The following ZNF891 variants were observed in gnomAD, a reference collection of about 807,000 sequenced individuals.
The protein encoded by ZNF891 is hCG1646157.
For synonymous variants in ZNF891, 199 were observed against 209.0 expected (o/e 0.95, Z 0.41); for missense variants, 589 against 632.7 (o/e 0.93, Z 0.74).
Position 133,105,599 on chromosome 12 carries a change from C to G in ZNF891, c.*14685G>C, listed in dbSNP as rs1955563099. ...CCAGTATTTGATCATGGAAAGAATT[C>G]TAAGTCAAGGCCCTGTGTATTCCAG... On this transcript the variant is annotated 3_prime_UTR_variant, in exon 2 of 2. Coordinates refer to ENST00000537226, the MANE Select transcript of ZNF891 (RefSeq NM_001277291.2). 2 of 1,614,078 alleles carry G rather than the reference C, an allele frequency of 1.2e-6. No homozygotes were observed. The highest frequency in any genetic ancestry group is 1.7e-6 in the Non-Finnish European group (2 of 1,180,016).
chr12:133,122,185 C>G, intron 1 of ZNF891, 161 bp from the exon 2 acceptor site: 1 of 1,151,636 alleles, frequency 8.7e-7, no homozygotes, highest in Non-Finnish European at 1.1e-6. Context: ...TGCAATATAA[C>G]GATCCTTACC....
Position 133,121,179 on chromosome 12 carries a change from C to G in ZNF891, c.740G>C (p.Ser247Thr), listed in dbSNP as rs1194472532. 6.5e-7 allele frequency: 1 copy of G among 1,535,474 alleles called. No individual in the cohort carries two copies. Among genetic ancestry groups the G allele is most frequent in the Admixed American group, 2.0e-5 (1 of 50,974 alleles). ...CCATAGAGTTGTATCACATTCATGA[C>G]TTTCATAGAGCTTCTCACTTATAGA... ...KNSISEKLYE[S>T]HECDTTLWHF... The change falls in exon 2 of 2, where the codon AGT becomes ACT. Residue 247 changes from serine (S) to threonine (T), a missense_variant. Physicochemically the swap from Ser to Thr is moderately conservative, Grantham distance 58. Transcript: ENST00000537226.
intron 1 of ZNF891, among the ~76,000 whole-genome samples, chr12:133,126,753 G>A (rs1379167678): frequency 6.7e-6 from 1 of 148,386 alleles, no homozygotes; most frequent in Non-Finnish European, 1.5e-5. Flanking sequence ...AGAGGTGGAG[G>A]CTGCAGTGAG....
chr12:133,107,956 T>C lies in ZNF891; in HGVS notation c.*12328A>G, dbSNP rs1457483694. On this transcript the variant is annotated 3_prime_UTR_variant, in exon 2 of 2. Coordinates refer to ENST00000537226, the MANE Select transcript of ZNF891 (RefSeq NM_001277291.2). ...TAAATATAAGTAATTTTGTAAGAGGTGAAATTTATAAAAGTTTTAGCCCAA... is the reference window on the plus strand; with the variant it reads ...TAAATATAAGTAATTTTGTAAGAGGCGAAATTTATAAAAGTTTTAGCCCAA... 6.6e-6 allele frequency: 1 copy of C among 152,170 alleles called. No homozygotes were observed. The highest frequency in any genetic ancestry group is 1.5e-5 in the Non-Finnish European group (1 of 68,026). 9.4% of individuals were successfully genotyped at this position (152,170 alleles called of 1,614,324 possible). A position where few individuals can be genotyped will look rare whatever the true frequency, so the allele number is the denominator to read the frequency against.
chr12:133,124,225 C>T (rs1433734669), intron 1 of ZNF891, among the ~76,000 whole-genome samples: 3 of 152,054 alleles, frequency 2.0e-5, no homozygotes, highest in African/African-American at 4.8e-5. Context: ...CACTTTAAAT[C>T]GGTGGGGGGA....
chr12:133,111,112 T>C lies in ZNF891; in HGVS notation c.*9172A>G, dbSNP rs1040279520. 1 of 152,126 alleles carries C rather than the reference T, an allele frequency of 6.6e-6. No homozygotes were observed. The highest frequency in any genetic ancestry group is 2.4e-5 in the African/African-American group (1 of 41,426). 9.4% of individuals were successfully genotyped at this position (152,126 alleles called of 1,614,324 possible). A position where few individuals can be genotyped will look rare whatever the true frequency, so the allele number is the denominator to read the frequency against. On this transcript the variant is annotated 3_prime_UTR_variant, in exon 2 of 2. Transcript: ENST00000537226. Reference sequence around the variant, plus strand: ...ATTTGGAAGAAAGAGTCTGAGTCCTTAGCAACTCATTCAAAAAGTCTGCCT... The same window carrying C: ...ATTTGGAAGAAAGAGTCTGAGTCCTCAGCAACTCATTCAAAAAGTCTGCCT...
Position 133,122,280 on chromosome 12 carries a change from T to C in ZNF891, c.-106-256A>G, listed in dbSNP as rs142045236. The C allele has an allele frequency of 3.0e-5, 29 of 982,356 alleles. No individual in the cohort carries two copies. The East Asian group carries it at 2.7e-3, about 93-fold the overall frequency. The allele number at this position is 982,356 out of a possible 1,614,324, so 60.9% of individuals were successfully genotyped here. On this transcript the variant is annotated intron_variant, in intron 1 of 1. Transcript: ENST00000537226. The stretch of plus-strand genomic sequence containing the variant: ...CTCTGGGTGAATGGGGCATGAGTTA[T>C]TTTTAAAAATGTAAACTAAAGAGAA...
chr12:133,129,489 C>T (rs867509332), intron 1 of ZNF891, among the ~76,000 whole-genome samples: 39 of 120,514 alleles, frequency 3.2e-4, no homozygotes, highest in African/African-American at 1.3e-3. Flanking sequence ...CAACAAAGAG[C>T]GAAACTCTGT....
At position 133,121,112 on chromosome 12, in the gene ZNF891, A is replaced by G. The variant is rs976660965; in HGVS notation, c.807T>C (p.Tyr269=). ...GTGTGAAGTGCATTCCATGTTTAGA[A>G]TATGTGTACTCTTTTTGTACTGTTT... is the stretch of plus-strand genomic sequence containing the variant. The part of the protein sequence containing the change: ...RNQTVQKEYT[Y]SKHGMHFTHN... Residue 269 remains tyrosine, a synonymous_variant, in exon 2 of 2, where the codon TAT becomes TAC. Coordinates refer to ENST00000537226, the MANE Select transcript of ZNF891 (RefSeq NM_001277291.2). 7 of 1,535,428 alleles carry G rather than the reference A, an allele frequency of 4.6e-6. No homozygotes were observed. Among genetic ancestry groups the G allele is most frequent in the Non-Finnish European group, 6.1e-6 (7 of 1,146,824 alleles).
chr12:133,120,863 T>A lies in ZNF891; in HGVS notation c.1056A>T (p.Glu352Asp). 2 of 1,544,698 alleles carry A rather than the reference T, an allele frequency of 1.3e-6. No individual in the cohort carries two copies. Among genetic ancestry groups the A allele is most frequent in the Non-Finnish European group, 1.7e-6 (2 of 1,147,864 alleles). The change falls in exon 2 of 2, where the codon GAA (glutamate) becomes GAT (aspartate). Residue 352 changes from glutamate (E) to aspartate (D), a missense_variant. By Grantham distance (45) the Glu-to-Asp change is conservative (BLOSUM62 2). Transcript: ENST00000537226. ...HMGEKQYECKECGKVFNDSST... is the reference protein window; with the variant it reads ...HMGEKQYECKDCGKVFNDSST... ...AGGAATCATTGAACACTTTACCACA[T>A]TCTTTACATTCATATTGTTTCTCAC...
In ZNF891 at chr12:133,105,678, A is replaced by C. The variant is rs1955565774; in HGVS notation, c.*14606T>G. On this transcript the variant is annotated 3_prime_UTR_variant, in exon 2 of 2. Transcript: ENST00000537226. ...CATACTGAGATGCTGCAAGAAAATCAGGGATGTATTAGGAAAGTAACAGTC... is the reference window on the plus strand; with the variant it reads ...CATACTGAGATGCTGCAAGAAAATCCGGGATGTATTAGGAAAGTAACAGTC... 6.2e-7 allele frequency: 1 copy of C among 1,614,210 alleles called. No individual in the cohort carries two copies. Among genetic ancestry groups the C allele is most frequent in the Middle Eastern group, 1.6e-4 (1 of 6,062 alleles).
At position 133,115,651 on chromosome 12, in the gene ZNF891, G is replaced by A. The variant is rs1955711957; in HGVS notation, c.*4633C>T. On this transcript the variant is annotated 3_prime_UTR_variant, in exon 2 of 2. Coordinates refer to ENST00000537226, the MANE Select transcript of ZNF891 (RefSeq NM_001277291.2). ...GTTTTGTTTTTTAATAGGATACCAT[G>A]GCAGCTGCATAGAAAACATACTAAA... is the stretch of plus-strand genomic sequence containing the variant. 6.6e-6 allele frequency: 1 copy of A among 151,978 alleles called. No homozygotes were observed. The highest frequency in any genetic ancestry group is 2.1e-4 in the South Asian group (1 of 4,824). 9.4% of individuals were successfully genotyped at this position (151,978 alleles called of 1,614,324 possible).
At position 133,105,158 on chromosome 12, in the gene ZNF891, G is replaced by GT; in HGVS notation, c.*15125dup. ...CAATCTGACGAACACTTAGTGTTTA[G>GT]TAGCAGCATTATGAAATTGCCATTT... On this transcript the variant is annotated 3_prime_UTR_variant, in exon 2 of 2. Transcript: ENST00000537226. Among the ~76,000 whole-genome samples, 1 of 152,160 alleles carries GT rather than the reference G, an allele frequency of 6.6e-6. No homozygotes were observed. Among genetic ancestry groups the GT allele is most frequent in the East Asian group, 1.9e-4 (1 of 5,202 alleles).
rs1955743347 is a variant in ZNF891, at chr12:133,120,375, G to A, written c.1544C>T (p.Pro515Leu). 3 of 1,592,238 alleles carry A rather than the reference G, an allele frequency of 1.9e-6. No homozygotes were observed. The highest frequency in any genetic ancestry group is 2.6e-6 in the Non-Finnish European group (3 of 1,170,402). Residue 515 changes from proline to leucine, a missense_variant, in exon 2 of 2, where the codon CCC becomes CTC. Transcript: ENST00000537226. ...RHVRIHTGEK[P>L]YECIQCGKAF... ...TTTTCCACATTGAATACATTCATAG[G>A]GTTTCTCTCCAGTGTGAATTCTCAC...
At position 133,111,926 on chromosome 12, in the gene ZNF891, A is replaced by G. The variant is rs1408989063; in HGVS notation, c.*8358T>C. On this transcript the variant is annotated 3_prime_UTR_variant, in exon 2 of 2. Transcript: ENST00000537226. ...ATTTCATACATGAACTATTGCAAAT[A>G]GCTTCCTAGTCTCTCAAGATTTTTT... 2.6e-5 allele frequency: 4 copies of G among 152,248 alleles called. No individual in the cohort carries two copies. The highest frequency in any genetic ancestry group is 4.4e-5 in the Non-Finnish European group (3 of 68,040). The allele number at this position is 152,248 out of a possible 1,614,324, so 9.4% of individuals were successfully genotyped here.
Position 133,121,681 on chromosome 12 carries a change from T to A in ZNF891, c.238A>T (p.Thr80Ser). 1 of 1,536,398 alleles carries A rather than the reference T, an allele frequency of 6.5e-7. No homozygotes were observed. Among genetic ancestry groups the A allele is most frequent in the South Asian group, 1.2e-5 (1 of 84,048 alleles). The change falls in exon 2 of 2, where the codon ACC becomes TCC. Residue 80 changes from threonine (T) to serine (S), a missense_variant. Coordinates refer to ENST00000537226, the MANE Select transcript of ZNF891 (RefSeq NM_001277291.2). ...DVMLENYRNL[T>S]SVEYQLYRLT... ...CTGTACAACTGATATTCCACGGAGG[T>A]GAGATTTCTATAGTTTTCCAACATC...
rs1158240717 is a variant in ZNF891, at chr12:133,106,596, C to T, written c.*13688G>A. The T allele has an allele frequency of 6.2e-7, 1 of 1,608,520 alleles. No individual in the cohort carries two copies. Among genetic ancestry groups the T allele is most frequent in the Non-Finnish European group, 8.5e-7 (1 of 1,178,590 alleles). ...CAGAGGACACACACTCTTGACAACC[C>T]CTATGAATATGAAAATTCATTTAAT... On this transcript the variant is annotated 3_prime_UTR_variant, in exon 2 of 2. Transcript: ENST00000537226.
Position 133,117,168 on chromosome 12 carries a change from C to T in ZNF891, c.*3116G>A, listed in dbSNP as rs1955719919. On this transcript the variant is annotated 3_prime_UTR_variant, in exon 2 of 2. Transcript: ENST00000537226. ...CTAAAACCTCCTTGCAGAATTTCAT[C>T]CACCTTCCTCTTAGCAGATAATCTT... 1 of 152,190 alleles carries T rather than the reference C, an allele frequency of 6.6e-6. No homozygotes were observed. Among genetic ancestry groups the T allele is most frequent in the Non-Finnish European group, 1.5e-5 (1 of 68,044 alleles). 9.4% of individuals were successfully genotyped at this position (152,190 alleles called of 1,614,324 possible).
At chr12:133,126,656 C>A (rs974707355) in intron 1 of ZNF891, among the ~76,000 whole-genome samples, 65 of 123,942 alleles carry the variant, frequency 5.2e-4, no homozygotes, top group Admixed American at 5.9e-4. Flanking sequence ...AATAAAAATA[C>A]AAAAAAAAAA....
Sources: allele counts gnomAD v4.1 joint callset (sites outside exome capture counted in the v4.1 genomes callset), GRCh38; gene constraint gnomAD v4.1.1; transcripts MANE v1.5; gene names NCBI Gene and HGNC (gene_info 2026-07-23, HGNC 2026-07-21).